Variants in NEURL1 observed in about 807,000 individuals in gnomAD.
The protein encoded by NEURL1 is neuralized E3 ubiquitin protein ligase 1, also known as E3 ubiquitin-protein ligase NEURL1.
A neutral mutation model predicts 41.2 loss-of-function variants in NEURL1; 26 were observed. The ratio of observed to expected loss-of-function variants is 0.63; its 90% CI spans 0.46 to 0.87. The LOEUF (loss-of-function observed/expected upper bound fraction) is 0.87. Among genes scored for constraint, NEURL1 ranks in the 40% least tolerant of loss-of-function variants. NEURL1 has a pLI of 0.00. For synonymous variants in NEURL1, 400 were observed against 402.3 expected (o/e 0.99, Z 0.07); for missense variants, 761 against 871.1 (o/e 0.87, Z 1.59).
Position 103,585,110 on chromosome 10 carries a change from G to A in NEURL1, c.1224G>A (p.Glu408=), listed in dbSNP as rs1022430796. 8.2e-6 allele frequency: 13 copies of A among 1,590,486 alleles called. No homozygotes were observed. The Admixed American group carries it at 2.2e-4, about 27-fold the overall frequency. Residue 408 remains glutamate (E), a synonymous_variant, in exon 4 of 6, where the codon GAG becomes GAA. Transcript: ENST00000369780. The part of the protein sequence containing the change: ...ILGLVVNADG[E]LHLSHNGAAA... ...GCCTGGTGGTCAACGCCGACGGCGA[G>A]CTGCACCTCAGCCACAATGGCGCGG...
chr10:103,539,284 A>G (rs1026935512), intron 1 of NEURL1, among the ~76,000 whole-genome samples: 2 of 151,948 alleles, frequency 1.3e-5, no homozygotes, highest in Non-Finnish European at 2.9e-5. Context: ...CCAGTTATAT[A>G]TTTACTTTGG....
chr10:103,560,916 AC>A (rs1307772844), intron 1 of NEURL1, among the ~76,000 whole-genome samples: 1 of 152,178 alleles, frequency 6.6e-6, no homozygotes, highest in Non-Finnish European at 1.5e-5. Context: ...TTATTCCAAA[AC>A]TTAGCAGCTT....
rs1221609293 is a variant in NEURL1, at chr10:103,556,045, C to A, written c.86-14827C>A. ...GTGCAAGTGACAGCACCCCACAGCG[C>A]CTGACCTCGCTTCTCCAAGTGTGTG... On this transcript the variant is annotated intron_variant, in intron 1 of 5. Coordinates refer to ENST00000369780, the MANE Select transcript of NEURL1 (RefSeq NM_004210.5). The surrounding 1 kb of genome is among the most constrained non-coding windows in gnomAD (Gnocchi z 4.4). Among the ~76,000 whole-genome samples the A allele has an allele frequency of 6.6e-6, 1 of 152,220 alleles. No homozygotes were observed. The highest frequency in any genetic ancestry group is 1.5e-5 in the Non-Finnish European group (1 of 68,030).
At chr10:103,532,920 C>CTTTTTTTTTTTTTT (rs144783148) in intron 1 of NEURL1, among the ~76,000 whole-genome samples, 1 of 63,630 alleles carries the variant, frequency 1.6e-5, no homozygotes, top group Non-Finnish European at 2.6e-5. Flanking sequence ...TTCTCTTCTC[C>CTTTTTTTTTTTTTT]TTTTTTTTTT....
At chr10:103,535,873 C>G (rs1224298221) in intron 1 of NEURL1, among the ~76,000 whole-genome samples, 1 of 152,112 alleles carries the variant, frequency 6.6e-6, no homozygotes, top group East Asian at 1.9e-4. Flanking sequence ...GCAACTCACC[C>G]CGGGAGCAAG....
intron 1 of NEURL1, among the ~76,000 whole-genome samples, chr10:103,504,143 A>G (rs2033893444): frequency 6.6e-6 from 1 of 151,856 alleles, no homozygotes; most frequent in Non-Finnish European, 1.5e-5. Flanking sequence ...ACAGGCACAC[A>G]CCACCACGCC....
At chr10:103,527,943 G>A (rs2034494634) in intron 1 of NEURL1, among the ~76,000 whole-genome samples, 1 of 152,198 alleles carries the variant, frequency 6.6e-6, no homozygotes. Context: ...ATAAAGGCCG[G>A]GCACAATGGC....
intron 1 of NEURL1, among the ~76,000 whole-genome samples, chr10:103,501,099 G>A (rs1420352275): frequency 1.3e-5 from 2 of 152,210 alleles, no homozygotes; most frequent in African/African-American, 4.8e-5. Flanking sequence ...CCTCTTGCCT[G>A]GATGTGGGGT....
In NEURL1 at chr10:103,495,268, A is replaced by T. The variant is rs1165249059; in HGVS notation, c.85+796A>T. ...CTCCCGGGCCCTCAGACCCTACTAA[A>T]TTCCTTCCGGAAGGTGCTTTTCTGT... is the stretch of plus-strand genomic sequence containing the variant. On this transcript the variant is annotated intron_variant, in intron 1 of 5. Transcript: ENST00000369780. 3.3e-5 allele frequency among the ~76,000 whole-genome samples: 5 copies of T among 152,084 alleles called. No homozygotes were observed. The East Asian group carries it at 5.8e-4, about 18-fold the overall frequency.
At chr10:103,532,920 C>CTTTTTTTTTTTTT (rs144783148) in intron 1 of NEURL1, among the ~76,000 whole-genome samples, 1 of 63,568 alleles carries the variant, frequency 1.6e-5, no homozygotes, top group Non-Finnish European at 2.6e-5. Flanking sequence ...TTCTCTTCTC[C>CTTTTTTTTTTTTT]TTTTTTTTTT....
At chr10:103,550,492 T>C (rs1260364219) in intron 1 of NEURL1, 1 of 152,292 alleles carries the variant, frequency 6.6e-6, no homozygotes, top group Non-Finnish European at 1.5e-5. Context: ...AGGTCATATA[T>C]GGGTCTGTGT....
intron 1 of NEURL1, among the ~76,000 whole-genome samples, chr10:103,532,887 A>G (rs1193615757): frequency 1.3e-5 from 2 of 148,430 alleles, no homozygotes; most frequent in East Asian, 2.0e-4. Context: ...ATTTCATTAA[A>G]TAGGTTTTCT....
At chr10:103,532,705 T>C (rs1368894462) in intron 1 of NEURL1, among the ~76,000 whole-genome samples, 2 of 152,074 alleles carry the variant, frequency 1.3e-5, no homozygotes, top group Non-Finnish European at 2.9e-5. Context: ...TCTTTTTTTT[T>C]TCCTTTTTTT....
intron 1 of NEURL1, among the ~76,000 whole-genome samples, chr10:103,568,940 G>C (rs1487545678): frequency 6.6e-6 from 1 of 152,074 alleles, no homozygotes; most frequent in Non-Finnish European, 1.5e-5. Flanking sequence ...TCAGCCTCCC[G>C]AGTAGCTGGG....
In NEURL1 at chr10:103,520,793, G is replaced by A. The variant is rs115905363; in HGVS notation, c.85+26321G>A. Reference sequence around the variant, plus strand: ...ATTAGGGTTGGCGTGGGAACCTACAGTGGGAGAGATTAAGCTGACGGAAGA... The same window carrying A: ...ATTAGGGTTGGCGTGGGAACCTACAATGGGAGAGATTAAGCTGACGGAAGA... On this transcript the variant is annotated intron_variant, in intron 1 of 5. Transcript: ENST00000369780. Among the ~76,000 whole-genome samples, 1,128 of 152,286 alleles carry A rather than the reference G, an allele frequency of 7.4e-3. 20 individuals carry two copies. Among genetic ancestry groups the A allele is most frequent in the African/African-American group, 0.025 (1,044 of 41,540 alleles).
At chr10:103,504,597 G>A (rs2033904872) in intron 1 of NEURL1, among the ~76,000 whole-genome samples, 1 of 152,156 alleles carries the variant, frequency 6.6e-6, no homozygotes, top group African/African-American at 2.4e-5. Flanking sequence ...TCTCCATTGT[G>A]CAGTTAAAGT....
intron 1 of NEURL1, among the ~76,000 whole-genome samples, chr10:103,507,260 T>A (rs1236088187): frequency 6.6e-6 from 1 of 152,174 alleles, no homozygotes; most frequent in Non-Finnish European, 1.5e-5. Context: ...GTGATGCAGA[T>A]GCTCCTCTGC....
At chr10:103,575,974 C>T (rs1263101001) in intron 3 of NEURL1, among the ~76,000 whole-genome samples, 5 of 152,266 alleles carry the variant, frequency 3.3e-5, no homozygotes, top group Admixed American at 1.3e-4. Flanking sequence ...ACTTGGCTGG[C>T]GGGCCAAGAG....
At position 103,571,774 on chromosome 10, in the gene NEURL1, T is replaced by TA. The variant is rs764110549; in HGVS notation, c.601_602insA (p.Trp201Ter). The TA allele has an allele frequency of 6.1e-5, 99 of 1,613,368 alleles. No individual in the cohort carries two copies. Among genetic ancestry groups the TA allele is most frequent in the Non-Finnish European group, 1.3e-5 (15 of 1,179,660 alleles). Residue 201 changes from tryptophan to a stop codon, truncating the protein, a stop_gained and frameshift_variant, in exon 3 of 6, where the codon TGG (tryptophan) becomes TAGG (stop). Transcript: ENST00000369780. LOFTEE classifies it high-confidence loss of function. ...FSGVRTADPLWALVDVYGLTR... is the reference protein window; with the variant it reads ...FSGVRTADPL The stretch of plus-strand genomic sequence containing the variant: ...CGGGGTCCGCACGGCCGACCCGCTC[T>TA]GGGCCCTGGTGGACGTCTACGGCCT...
Sources: allele counts gnomAD v4.1 joint callset (sites outside exome capture counted in the v4.1 genomes callset), GRCh38; gene constraint gnomAD v4.1.1; non-coding constraint Gnocchi (gnomAD v3.1); transcripts MANE v1.5; gene names NCBI Gene and HGNC (gene_info 2026-07-23, HGNC 2026-07-21).